KCNK13: variants seen among roughly 807,000 people sequenced by gnomAD.
The protein encoded by KCNK13 is potassium two pore domain channel subfamily K member 13.
KCNK13 carries 12 observed loss-of-function variants against 23.4 expected under a neutral mutation model. That is an observed-to-expected ratio of 0.51 (90% confidence interval 0.33 to 0.83). The LOEUF (loss-of-function observed/expected upper bound fraction) is 0.83, where lower values mean the gene tolerates loss of function less well. Among genes scored for constraint, KCNK13 ranks in the 40% least tolerant of loss-of-function variants. The probability of loss-of-function intolerance (pLI) is 0.02; values close to 1 mark genes in which losing one functional copy is unlikely to be tolerated. For missense variants in KCNK13, 463 were observed against 556.3 expected, an observed-to-expected ratio of 0.83 and a Z score of 1.69; for synonymous variants, 231 against 229.5, an observed-to-expected ratio of 1.01 and a Z score of -0.06.
rs775974655 is a variant in KCNK13, at chr14:90,184,853, G to A, written c.1077G>A (p.Ser359=). ...ACTTGCTGGCAGCCAACAAGGCCTC[G>A]TTGGCCATCCTGCAGAAGCAACTGT... ...MKDLLAANKA[S]LAILQKQLSE... Residue 359 remains serine, a synonymous_variant, in exon 2 of 2, where the codon TCG becomes TCA. Coordinates refer to ENST00000282146, the MANE Select transcript of KCNK13 (RefSeq NM_022054.4). The surrounding 1 kb of genome is among the most constrained non-coding windows in gnomAD (Gnocchi z 5.6). The A allele has an allele frequency of 1.9e-5, 31 of 1,613,726 alleles. No homozygotes were observed. Among genetic ancestry groups the A allele is most frequent in the Middle Eastern group, 3.3e-4 (2 of 6,082 alleles).
At chr14:90,114,523 C>T (rs1160586868) in intron 1 of KCNK13, among the ~76,000 whole-genome samples, 3 of 152,210 alleles carry the variant, frequency 2.0e-5, no homozygotes, top group African/African-American at 7.2e-5. Flanking sequence ...CTAGAAATTC[C>T]TTCGTTCCTG....
At chr14:90,156,214 A>AAC (rs931902494) in intron 1 of KCNK13, among the ~76,000 whole-genome samples, 4 of 151,922 alleles carry the variant, frequency 2.6e-5, no homozygotes, top group African/African-American at 9.7e-5. Flanking sequence ...AAAAAAAAAA[A>AAC]AAACCTAAAA....
chr14:90,127,817 T>TA (rs35453411), intron 1 of KCNK13, among the ~76,000 whole-genome samples: 43,810 of 84,906 alleles, frequency 0.52, 11,028 homozygotes, highest in East Asian at 0.62. Context: ...AGATGCTATC[T>TA]AAAAAAAAAA....
chr14:90,184,138 T>C lies in KCNK13; in HGVS notation c.362T>C (p.Val121Ala), dbSNP rs778461084. 2.1e-5 allele frequency: 34 copies of C among 1,613,734 alleles called. No individual in the cohort carries two copies. Among genetic ancestry groups the C allele is most frequent in the African/African-American group, 1.1e-4 (8 of 74,942 alleles). ...IGFGMTTPAT[V>A]GGKIFLIFYG... ...TTTGGGATGACAACTCCGGCGACAG[T>C]AGGAGGAAAAATCTTTCTGATCTTT... The change falls in exon 2 of 2, where the codon GTA becomes GCA. Residue 121 changes from valine to alanine, a missense_variant. Physicochemically the swap from Val to Ala is moderately conservative, Grantham distance 64. Transcript: ENST00000282146. The surrounding 1 kb of genome is among the most constrained non-coding windows in gnomAD (Gnocchi z 5.6).
chr14:90,068,506 G>A (rs1195199904), intron 1 of KCNK13, among the ~76,000 whole-genome samples: 3 of 152,122 alleles, frequency 2.0e-5, no homozygotes, highest in African/African-American at 7.2e-5. Context: ...GCTGAGGTAG[G>A]AGGATCACTT....
intron 1 of KCNK13, among the ~76,000 whole-genome samples, chr14:90,180,486 A>G (rs892392455): frequency 2.0e-5 from 3 of 152,194 alleles, no homozygotes; most frequent in Admixed American, 6.5e-5. Flanking sequence ...AACTGCAGAC[A>G]TGAGGAAGCT....
chr14:90,102,499 C>G (rs1205254244), intron 1 of KCNK13, among the ~76,000 whole-genome samples: 1 of 152,210 alleles, frequency 6.6e-6, no homozygotes, highest in Admixed American at 6.5e-5. Context: ...TCATCTCAAT[C>G]CCTACCCTAT....
At chr14:90,160,710 G>C (rs1405812519) in intron 1 of KCNK13, among the ~76,000 whole-genome samples, 1 of 151,958 alleles carries the variant, frequency 6.6e-6, no homozygotes, top group Non-Finnish European at 1.5e-5. Context: ...GGGCATGGTG[G>C]CAGGCACCTG....
At chr14:90,091,546 T>C (rs1357122008) in intron 1 of KCNK13, among the ~76,000 whole-genome samples, 2 of 152,210 alleles carry the variant, frequency 1.3e-5, no homozygotes, top group East Asian at 3.8e-4. Context: ...ATACCATCCA[T>C]GTTGATTTTG....
intron 1 of KCNK13, among the ~76,000 whole-genome samples, chr14:90,126,320 C>T (rs1889799028): frequency 6.6e-6 from 1 of 152,040 alleles, no homozygotes; most frequent in Non-Finnish European, 1.5e-5. Flanking sequence ...ACAGCACGGG[C>T]CGAGGAATGT....
chr14:90,108,864 C>A (rs541353834), intron 1 of KCNK13, among the ~76,000 whole-genome samples: 1 of 152,222 alleles, frequency 6.6e-6, no homozygotes, highest in South Asian at 2.1e-4. Flanking sequence ...CTGAAAGAGC[C>A]CCCAATGCTT....
intron 1 of KCNK13, among the ~76,000 whole-genome samples, chr14:90,133,648 G>T (rs1017184299): frequency 1.1e-4 from 16 of 149,752 alleles, no homozygotes; most frequent in African/African-American, 3.2e-4. Context: ...TACAGAGCTA[G>T]CAAGTAACAG....
chr14:90,183,595 C>T (rs1890511742), intron 1 of KCNK13, among the ~76,000 whole-genome samples: 1 of 152,186 alleles, frequency 6.6e-6, no homozygotes, highest in Non-Finnish European at 1.5e-5. Flanking sequence ...TCTTACTGGA[C>T]TAGGGCTCCA....
At chr14:90,101,155 G>A (rs1889471971) in intron 1 of KCNK13, among the ~76,000 whole-genome samples, 1 of 152,144 alleles carries the variant, frequency 6.6e-6, no homozygotes, top group African/African-American at 2.4e-5. Flanking sequence ...GTTGTTCTGA[G>A]GAGTAGACCA....
At chr14:90,071,924 A>G (rs1273533740) in intron 1 of KCNK13, among the ~76,000 whole-genome samples, 1 of 151,690 alleles carries the variant, frequency 6.6e-6, no homozygotes, top group Non-Finnish European at 1.5e-5. Flanking sequence ...GAAGGAGAGA[A>G]GAGTAGGGGA....
chr14:90,081,209 T>C (rs1009616031), intron 1 of KCNK13, among the ~76,000 whole-genome samples: 1 of 152,260 alleles, frequency 6.6e-6, no homozygotes, highest in African/African-American at 2.4e-5. Context: ...AAACACAAGA[T>C]TGTGAGTGCG....
rs1170885680 is a variant in KCNK13 at position 90,144,147 on chromosome 14, T to C, written c.335-39964T>C. On this transcript the variant is annotated intron_variant, in intron 1 of 1. Transcript: ENST00000282146. ...TGCATTGAATCAATCTGGGGAGAAC[T>C]GACATCCTAACAAAATATTGTCTTC... 2.6e-5 allele frequency among the ~76,000 whole-genome samples: 4 copies of C among 152,218 alleles called. No individual in the cohort carries two copies. The East Asian group carries it at 7.7e-4, about 29-fold the overall frequency.
intron 1 of KCNK13, among the ~76,000 whole-genome samples, chr14:90,179,639 G>A (rs768851666): frequency 1.1e-4 from 17 of 152,134 alleles, no homozygotes; most frequent in Non-Finnish European, 2.5e-4. Context: ...GTTGGTTCTC[G>A]ATCCACTCAT....
intron 1 of KCNK13, among the ~76,000 whole-genome samples, chr14:90,105,854 G>A (rs1480096714): frequency 2.0e-5 from 3 of 152,184 alleles, no homozygotes; most frequent in Non-Finnish European, 4.4e-5. Flanking sequence ...GTGCTTCCTA[G>A]TAAGACGGCA....
Sources: allele counts gnomAD v4.1 joint callset (sites outside exome capture counted in the v4.1 genomes callset), GRCh38; gene constraint gnomAD v4.1.1; non-coding constraint Gnocchi (gnomAD v3.1); transcripts MANE v1.5; gene names NCBI Gene and HGNC (gene_info 2026-07-23, HGNC 2026-07-21).